Variants in VIPR1 observed in about 807,000 individuals in gnomAD.
VIPR1 encodes the protein vasoactive intestinal polypeptide receptor 1.
In VIPR1, 59 loss-of-function variants were observed where a neutral mutation model predicts 58.8. That is an observed-to-expected ratio of 1.00 (90% CI 0.81 to 1.25). The LOEUF is 1.25. Ranked by LOEUF, VIPR1 falls within the 50% of genes most tolerant of loss-of-function variation. The probability of loss-of-function intolerance (pLI) is 0.00; values close to 1 mark genes in which losing one functional copy is unlikely to be tolerated. For synonymous variants in VIPR1, 251 were observed against 242.1 expected (o/e 1.04, Z -0.34); for missense variants, 626 against 602.7 (o/e 1.04, Z -0.40).
At chr3:42,512,000 A>G (rs147140818) in intron 1 of VIPR1, 2 of 152,302 alleles carry the variant, frequency 1.3e-5, no homozygotes, top group East Asian at 3.9e-4. Flanking sequence ...TATACGAGTA[A>G]CTGTATCATG....
At position 42,513,757 on chromosome 3, in the gene VIPR1, G is replaced by A. The variant is rs755789386; in HGVS notation, c.87G>A (p.Gln29=). The A allele has an allele frequency of 1.7e-5, 26 of 1,551,328 alleles. No individual in the cohort carries two copies. The highest frequency in any genetic ancestry group is 2.2e-5 in the Non-Finnish European group (25 of 1,146,880). The change falls in exon 2 of 13, where the codon CAG becomes CAA. Residue 29 remains glutamine (Q), a synonymous_variant. Coordinates refer to ENST00000325123, the MANE Select transcript of VIPR1 (RefSeq NM_004624.4). ...CCTGTCTTTGTTCTCAGGGCGGCCAGGCGGCCAGGCTGCAGGAGGAGTGTG... is the reference window on the plus strand; with the variant it reads ...CCTGTCTTTGTTCTCAGGGCGGCCAAGCGGCCAGGCTGCAGGAGGAGTGTG... ...LAWALGPAGG[Q]AARLQEECDY...
In VIPR1 at chr3:42,519,230, C is replaced by A. The variant is rs867860419; in HGVS notation, c.192C>A (p.Ser64Arg). ...AQLENETIGCSKMWDNLTCWP... is the reference protein window; with the variant it reads ...AQLENETIGCRKMWDNLTCWP... Reference sequence around the variant, plus strand: ...TCTGCCTTACCCCCATAGGCTGCAGCAAGATGTGGGACAACCTCACCTGCT... The same window carrying A: ...TCTGCCTTACCCCCATAGGCTGCAGAAAGATGTGGGACAACCTCACCTGCT... The change falls in exon 3 of 13, where the codon AGC (serine) becomes AGA (arginine). Residue 64 changes from serine to arginine, a missense_variant. Physicochemically the swap from Ser to Arg is moderately radical, Grantham distance 110 (BLOSUM62 -1). Coordinates refer to ENST00000325123, the MANE Select transcript of VIPR1 (RefSeq NM_004624.4). 1.2e-6 allele frequency: 2 copies of A among 1,607,778 alleles called. No homozygotes were observed. The highest frequency in any genetic ancestry group is 1.7e-6 in the Non-Finnish European group (2 of 1,177,202).
chr3:42,534,366 C>T (rs1012819433), intron 10 of VIPR1: 2 of 152,304 alleles, frequency 1.3e-5, no homozygotes, highest in Non-Finnish European at 2.9e-5. Context: ...AGTACGTCTT[C>T]TCTCATGGTC....
At chr3:42,508,290 G>A (rs1006442265) in intron 1 of VIPR1, among the ~76,000 whole-genome samples, 1 of 152,120 alleles carries the variant, frequency 6.6e-6, no homozygotes. Context: ...GAAGTAGGTG[G>A]TATTGTTATT....
chr3:42,505,342 G>T (rs2125633032), intron 1 of VIPR1, among the ~76,000 whole-genome samples: 1 of 152,346 alleles, frequency 6.6e-6, no homozygotes, highest in Non-Finnish European at 1.5e-5. Context: ...CCAGAAGGAG[G>T]AGTCCCAGGG....
chr3:42,536,138 G>A lies in VIPR1; in HGVS notation c.1231G>A (p.Val411Ile), dbSNP rs754052914. 6.8e-6 allele frequency: 11 copies of A among 1,606,178 alleles called. No individual in the cohort carries two copies. The Middle Eastern group carries it at 5.0e-4, about 73-fold the overall frequency. Residue 411 changes from valine to isoleucine, a missense_variant, in exon 13 of 13, where the codon GTC becomes ATC. Coordinates refer to ENST00000325123, the MANE Select transcript of VIPR1 (RefSeq NM_004624.4). ...RKWRRWHLQG[V>I]LGWNPKYRHP... is the part of the protein sequence containing the mutation. ...GTGGCGGCGCTGGCACCTGCAGGGC[G>A]TCCTGGGCTGGAACCCCAAATACCG...
chr3:42,523,640 C>CAT lies in VIPR1; in HGVS notation c.293-2247_293-2246insAT, dbSNP rs1553638629. Among the ~76,000 whole-genome samples the CAT allele has an allele frequency of 1.9e-3, 293 of 150,868 alleles. 1 individual carries two copies. The highest frequency in any genetic ancestry group is 0.014 in the Middle Eastern group (4 of 294). ...ACACACACACACACACACACACACACGGCATGTGAAGCTGCTGTGTACATG... is the reference window on the plus strand; with the variant it reads ...ACACACACACACACACACACACACACATGGCATGTGAAGCTGCTGTGTACATG... On this transcript the variant is annotated intron_variant, in intron 3 of 12. Transcript: ENST00000325123.
At chr3:42,498,048 G>A (rs987551306), upstream of VIPR1, among the ~76,000 whole-genome samples, 4 of 152,184 alleles carry the variant, frequency 2.6e-5, no homozygotes, top group African/African-American at 9.6e-5. Context: ...TCCAAGGGTA[G>A]GACCTAGGTC....
At chr3:42,534,526 C>T (rs1701742747) in intron 10 of VIPR1, 1 of 155,754 alleles carries the variant, frequency 6.4e-6, no homozygotes, top group African/African-American at 2.4e-5. Flanking sequence ...ACCAGAATCT[C>T]TTGTTGCCTA....
chr3:42,494,349 A>G (rs1243968946), intron 1 of VIPR1, among the ~76,000 whole-genome samples: 1 of 152,248 alleles, frequency 6.6e-6, no homozygotes, highest in African/African-American at 2.4e-5. Flanking sequence ...CTCGTAGAAT[A>G]TGTTGGAAAA....
upstream of VIPR1, among the ~76,000 whole-genome samples, chr3:42,499,314 G>C (rs925468029): frequency 6.6e-6 from 1 of 152,220 alleles, no homozygotes; most frequent in Non-Finnish European, 1.5e-5. Flanking sequence ...GTGAGTGCAC[G>C]ATTCTGAGAG....
intron 12 of VIPR1, 59 bp from the exon 13 acceptor site, chr3:42,536,031 C>G: frequency 6.6e-7 from 1 of 1,507,162 alleles, no homozygotes. Flanking sequence ...CCAGGGCAGC[C>G]CAATCAGCAG....
intron 10 of VIPR1, chr3:42,532,812 G>A (rs370793218): frequency 7.8e-4 from 142 of 180,958 alleles, no homozygotes; most frequent in Non-Finnish European, 1.4e-3. Context: ...CCAGGCACAC[G>A]CTAAGGGATT....
chr3:42,517,612 G>A (rs781029076), intron 2 of VIPR1, among the ~76,000 whole-genome samples: 33 of 152,222 alleles, frequency 2.2e-4, no homozygotes, highest in Non-Finnish European at 3.7e-4. Context: ...CGCTGCACTT[G>A]TTCCCTAACT....
At chr3:42,505,939 T>C (rs938474129) in intron 1 of VIPR1, among the ~76,000 whole-genome samples, 2 of 152,078 alleles carry the variant, frequency 1.3e-5, no homozygotes, top group Non-Finnish European at 2.9e-5. Context: ...AGGGTCTCTG[T>C]GAAAGGGGGT....
In VIPR1 at chr3:42,527,470, C is replaced by T. The variant is rs149397146; in HGVS notation, c.477C>T (p.Val159=). ...GCCTGTCCCTCGCCACCCTTCTGGTCGCCACAGCTATCCTGAGCCTGTTCA... is the reference window on the plus strand; with the variant it reads ...GCCTGTCCCTCGCCACCCTTCTGGTTGCCACAGCTATCCTGAGCCTGTTCA... ...GYGLSLATLL[V]ATAILSLFRK... is the part of the protein sequence containing the mutation. The change falls in exon 5 of 13, where the codon GTC becomes GTT. Residue 159 remains valine, a synonymous_variant. Transcript: ENST00000325123. 2.8e-3 allele frequency: 4,463 copies of T among 1,613,896 alleles called. 34 individuals are homozygous for T. Among genetic ancestry groups the T allele is most frequent in the Non-Finnish European group, 2.1e-3 (2,533 of 1,179,960 alleles).
intron 1 of VIPR1, among the ~76,000 whole-genome samples, chr3:42,510,925 T>C (rs1325903965): frequency 6.6e-6 from 1 of 152,104 alleles, no homozygotes; most frequent in African/African-American, 2.4e-5. Flanking sequence ...CCAGAAATCC[T>C]AGGCGCCCAT....
chr3:42,493,585 C>A, intron 1 of VIPR1, among the ~76,000 whole-genome samples: 1 of 152,172 alleles, frequency 6.6e-6, no homozygotes, highest in East Asian at 1.9e-4. Context: ...CTCTTGCTCT[C>A]TCTGCCTGGT....
intron 1 of VIPR1, among the ~76,000 whole-genome samples, chr3:42,506,118 G>A (rs1700111682): frequency 6.6e-6 from 1 of 152,248 alleles, no homozygotes; most frequent in Admixed American, 6.5e-5. Flanking sequence ...TCCCAGGGCA[G>A]CAGGAGTCCT....
Sources: allele counts gnomAD v4.1 joint callset (sites outside exome capture counted in the v4.1 genomes callset), GRCh38; gene constraint gnomAD v4.1.1; transcripts MANE v1.5; gene names NCBI Gene and HGNC (gene_info 2026-07-23, HGNC 2026-07-21).